The following SLCO4C1 variants were observed in gnomAD, a reference collection of about 807,000 sequenced individuals.
SLCO4C1 encodes solute carrier organic anion transporter family member 4C1.
SLCO4C1 carries 58 observed loss-of-function variants against 72.1 expected under a neutral mutation model. The ratio of observed to expected loss-of-function variants is 0.80; its 90% CI spans 0.65 to 1.00. SLCO4C1 has a LOEUF of 1.00. Among genes scored for constraint, SLCO4C1 ranks in the 50% least tolerant of loss-of-function variants. The pLI is 0.00. For missense variants in SLCO4C1, 898 were observed against 857.9 expected, an observed-to-expected ratio of 1.05 and a Z score of -0.58; for synonymous variants, 297 against 312.5, an observed-to-expected ratio of 0.95 and a Z score of 0.52.
In SLCO4C1 at chr5:102,296,032, T is replaced by C. The variant is rs754903427; in HGVS notation, c.231A>G (p.Ser77=). Residue 77 remains serine, a synonymous_variant, in exon 1 of 13, where the codon TCA becomes TCG. Coordinates refer to ENST00000310954, the MANE Select transcript of SLCO4C1 (RefSeq NM_180991.5). ...CCTCCTCAAACTCGGACAGCGACAG[T>C]GACCGGAGCTTCTCTTCGGAGACAT... ...PPNVSEEKLR[S]LSLSEFEEGS... is the part of the protein sequence containing the mutation. The C allele has an allele frequency of 1.2e-6, 2 of 1,614,210 alleles. No homozygotes were observed. The highest frequency in any genetic ancestry group is 1.3e-5 in the African/African-American group (1 of 75,048).
At chr5:102,283,500 T>A (rs1444302274) in intron 2 of SLCO4C1, among the ~76,000 whole-genome samples, 1 of 151,598 alleles carries the variant, frequency 6.6e-6, no homozygotes, top group African/African-American at 2.4e-5. Flanking sequence ...CACTGGCAAA[T>A]TTGTGCGTTT....
chr5:102,272,321 AG>A (rs1749167272), intron 2 of SLCO4C1, among the ~76,000 whole-genome samples: 1 of 152,130 alleles, frequency 6.6e-6, no homozygotes, highest in Admixed American at 6.5e-5. Context: ...CAGCTTTCTA[AG>A]GTTTAAAGGC....
At chr5:102,287,188 T>C (rs1226126809) in intron 2 of SLCO4C1, among the ~76,000 whole-genome samples, 2 of 152,288 alleles carry the variant, frequency 1.3e-5, no homozygotes, top group Middle Eastern at 3.4e-3. Flanking sequence ...TAATCTGTTT[T>C]CTTTTTGCAG....
chr5:102,262,234 A>G (rs1297179545), intron 4 of SLCO4C1, among the ~76,000 whole-genome samples: 1 of 152,206 alleles, frequency 6.6e-6, no homozygotes, highest in African/African-American at 2.4e-5. Context: ...GGTTTACAAA[A>G]TGTTTAAAAA....
chr5:102,281,646 G>A (rs920671007), intron 2 of SLCO4C1, among the ~76,000 whole-genome samples: 65 of 152,162 alleles, frequency 4.3e-4, no homozygotes, highest in African/African-American at 1.5e-3. Context: ...AAGATGATAT[G>A]CAGATAGCAA....
At position 102,236,476 on chromosome 5, in the gene SLCO4C1, AT is replaced by A. The variant is rs984820793; in HGVS notation, c.*381del. ...AAGTTGTAATGGGGATAGAAACAAC[AT>A]TTTTTTTAAATGTAAATTTTTCTAA... On this transcript the variant is annotated 3_prime_UTR_variant, in exon 13 of 13. Transcript: ENST00000310954. The A allele has an allele frequency of 3.0e-4, 46 of 154,578 alleles. No homozygotes were observed. Among genetic ancestry groups the A allele is most frequent in the South Asian group, 2.4e-3 (12 of 4,972 alleles). 9.6% of individuals were successfully genotyped at this position (154,578 alleles called of 1,614,324 possible).
At chr5:102,243,336 G>A (rs898485183) in intron 10 of SLCO4C1, among the ~76,000 whole-genome samples, 1 of 152,124 alleles carries the variant, frequency 6.6e-6, no homozygotes, top group Non-Finnish European at 1.5e-5. Context: ...TAGGGCCCCA[G>A]GTCCTTAAGC....
Position 102,236,813 on chromosome 5 carries a change from C to A in SLCO4C1, c.*45G>T. The A allele has an allele frequency of 6.3e-7, 1 of 1,578,534 alleles. No homozygotes were observed. The highest frequency in any genetic ancestry group is 8.6e-7 in the Non-Finnish European group (1 of 1,160,896). On this transcript the variant is annotated 3_prime_UTR_variant, in exon 13 of 13. Transcript: ENST00000310954. ...CATGGCAATGTGTGTTCTTAAAAATCGAGGTAAATTTTCCAGGTGTAAAAC... is the reference window on the plus strand; with the variant it reads ...CATGGCAATGTGTGTTCTTAAAAATAGAGGTAAATTTTCCAGGTGTAAAAC...
At chr5:102,239,601 T>C (rs1219281156) in intron 11 of SLCO4C1, among the ~76,000 whole-genome samples, 2 of 152,006 alleles carry the variant, frequency 1.3e-5, no homozygotes, top group African/African-American at 2.4e-5. Context: ...TCTAATCAAT[T>C]CAAAAAAGTA....
At chr5:102,293,045 TAA>T (rs1185689333) in intron 1 of SLCO4C1, among the ~76,000 whole-genome samples, 1 of 152,070 alleles carries the variant, frequency 6.6e-6, no homozygotes, top group Non-Finnish European at 1.5e-5. Flanking sequence ...AAATTTTGAT[TAA>T]GACCGTAGCT....
At chr5:102,275,985 G>T (rs760046010) in intron 2 of SLCO4C1, among the ~76,000 whole-genome samples, 1 of 152,066 alleles carries the variant, frequency 6.6e-6, no homozygotes, top group African/African-American at 2.4e-5. Flanking sequence ...ATCCTAGAAG[G>T]TTACAGTGGC....
Position 102,280,146 on chromosome 5 carries a change from T to C in SLCO4C1, c.620-9340A>G, listed in dbSNP as rs150263890. On this transcript the variant is annotated intron_variant, in intron 2 of 12. Coordinates refer to ENST00000310954, the MANE Select transcript of SLCO4C1 (RefSeq NM_180991.5). ...AAGAAAATTAGTGCCATACAGAAGGTACAGGAAGTAATAAAACTGTTCCTA... is the reference window on the plus strand; with the variant it reads ...AAGAAAATTAGTGCCATACAGAAGGCACAGGAAGTAATAAAACTGTTCCTA... 2.9e-3 allele frequency among the ~76,000 whole-genome samples: 367 copies of C among 126,404 alleles called. 2 individuals carry two copies. The highest frequency in any genetic ancestry group is 0.01 in the African/African-American group (350 of 33,598). 82.9% of individuals were successfully genotyped at this position (126,404 alleles called of 152,430 possible). A position where few individuals can be genotyped will look rare whatever the true frequency, so the allele number is the denominator to read the frequency against.
At chr5:102,288,819 C>A (rs945831014) in intron 2 of SLCO4C1, among the ~76,000 whole-genome samples, 1 of 152,202 alleles carries the variant, frequency 6.6e-6, no homozygotes, top group Admixed American at 6.5e-5. Flanking sequence ...TCCTGGCAAT[C>A]ATACTTAACC....
At chr5:102,257,683 A>G (rs1748862873) in intron 7 of SLCO4C1, among the ~76,000 whole-genome samples, 1 of 150,528 alleles carries the variant, frequency 6.6e-6, no homozygotes, top group African/African-American at 2.4e-5. Context: ...CAATGGCGCA[A>G]TCTCGGCTCG....
chr5:102,252,489 T>C (rs1183653638), intron 8 of SLCO4C1, among the ~76,000 whole-genome samples: 8 of 152,142 alleles, frequency 5.3e-5, no homozygotes, highest in Non-Finnish European at 4.4e-5. Flanking sequence ...TTGATCACAT[T>C]CACAAAAGCC....
intron 10 of SLCO4C1, 43 bp from the exon 11 acceptor site, chr5:102,240,825 G>T (rs753248264): frequency 2.9e-5 from 40 of 1,385,840 alleles, no homozygotes; most frequent in Non-Finnish European, 3.2e-5. Context: ...AGGTGGTATA[G>T]TATATTCACT....
At chr5:102,274,779 C>T (rs1249105425) in intron 2 of SLCO4C1, among the ~76,000 whole-genome samples, 2 of 152,124 alleles carry the variant, frequency 1.3e-5, no homozygotes. Context: ...CAGGGGGTAG[C>T]TGTACTTTTC....
intron 5 of SLCO4C1, among the ~76,000 whole-genome samples, chr5:102,261,557 T>C (rs1309974116): frequency 6.6e-6 from 1 of 151,198 alleles, no homozygotes; most frequent in Admixed American, 6.6e-5. Context: ...ATGAATGATT[T>C]AAGACAGATT....
At chr5:102,239,043 T>G (rs1034512239) in intron 12 of SLCO4C1, among the ~76,000 whole-genome samples, 1 of 152,132 alleles carries the variant, frequency 6.6e-6, no homozygotes, top group African/African-American at 2.4e-5. Context: ...TTTCTTGTAT[T>G]TAGTACTGAG....
Sources: gnomAD v4.1 joint callset for allele counts (sites outside exome capture counted in the v4.1 genomes callset) on GRCh38, gnomAD v4.1.1 for gene constraint, MANE v1.5 for transcripts, NCBI Gene and HGNC (gene_info 2026-07-23, HGNC 2026-07-21) for gene names.